The following CDH18 variants were observed in gnomAD, a reference collection of about 807,000 sequenced individuals.
The protein encoded by CDH18 is cadherin 18, also known as cadherin-18.
CDH18 carries 31 observed loss-of-function variants against 67.9 expected under a neutral mutation model. The ratio of observed to expected loss-of-function variants is 0.46; its 90% CI spans 0.34 to 0.62. The LOEUF (loss-of-function observed/expected upper bound fraction) is 0.62, where lower values mean the gene tolerates loss of function less well. CDH18 is among the 20% of genes least tolerant of loss of function. The pLI, the probability that CDH18 is intolerant of heterozygous loss-of-function variation, is 0.01. For synonymous variants in CDH18, 362 were observed against 347.2 expected (o/e 1.04, Z -0.48); for missense variants, 890 against 975.5 (o/e 0.91, Z 1.17).
chr5:20,064,996 T>C (rs574927381), intron 2 of CDH18, among the ~76,000 whole-genome samples: 7 of 152,062 alleles, frequency 4.6e-5, no homozygotes, highest in South Asian at 4.1e-4. Flanking sequence ...TTGGTCTTTG[T>C]GATTAATTTT....
chr5:19,745,748 T>C (rs888804000), intron 4 of CDH18, among the ~76,000 whole-genome samples: 19 of 152,128 alleles, frequency 1.2e-4, no homozygotes, highest in Admixed American at 1.2e-3. Context: ...GTTTGGCAAC[T>C]GCTTTCTCCT....
At chr5:20,250,759 C>T (rs1743798107) in intron 2 of CDH18, among the ~76,000 whole-genome samples, 1 of 151,856 alleles carries the variant, frequency 6.6e-6, no homozygotes, top group African/African-American at 2.4e-5. Flanking sequence ...GCGCATGCCA[C>T]CACACCCAGA....
At chr5:20,485,033 T>C (rs1753077549) in intron 1 of CDH18, among the ~76,000 whole-genome samples, 1 of 152,128 alleles carries the variant, frequency 6.6e-6, no homozygotes, top group African/African-American at 2.4e-5. Flanking sequence ...TATGTTTGAA[T>C]GTTGTCAATG....
At chr5:20,365,858 T>C (rs1423779723) in intron 1 of CDH18, among the ~76,000 whole-genome samples, 1 of 152,146 alleles carries the variant, frequency 6.6e-6, no homozygotes, top group Admixed American at 6.6e-5. Flanking sequence ...TATTTACAAG[T>C]GAGTTTCTTT....
intron 1 of CDH18, among the ~76,000 whole-genome samples, chr5:20,535,334 C>T (rs1014665762): frequency 2.0e-5 from 3 of 152,142 alleles, no homozygotes; most frequent in South Asian, 2.1e-4. Context: ...CAGATCAGAT[C>T]GAGACCCTTT....
chr5:19,659,654 G>T (rs926818693), intron 5 of CDH18, among the ~76,000 whole-genome samples: 1 of 152,068 alleles, frequency 6.6e-6, no homozygotes, highest in African/African-American at 2.4e-5. Flanking sequence ...GCACCCTTAT[G>T]AGCGGGATTA....
intron 1 of CDH18, among the ~76,000 whole-genome samples, chr5:20,321,505 G>A (rs946085624): frequency 6.6e-5 from 10 of 151,902 alleles, no homozygotes; most frequent in Admixed American, 1.3e-4. Flanking sequence ...CCTCCTTCAT[G>A]GAAATGTCAT....
At chr5:19,502,294 A>T (rs1237608677) in intron 11 of CDH18, among the ~76,000 whole-genome samples, 1 of 152,148 alleles carries the variant, frequency 6.6e-6, no homozygotes, top group Non-Finnish European at 1.5e-5. Context: ...GAAAAAGTTG[A>T]TCCTAATCAG....
chr5:19,698,685 T>A (rs1545367), intron 5 of CDH18, among the ~76,000 whole-genome samples: 85,351 of 151,720 alleles, frequency 0.56, 27,173 homozygotes, highest in East Asian at 0.74. Flanking sequence ...TGTATGTGAA[T>A]TAAAAATAAA....
intron 2 of CDH18, among the ~76,000 whole-genome samples, chr5:20,198,407 T>A (rs1739161938): frequency 6.6e-6 from 1 of 152,164 alleles, no homozygotes; most frequent in Non-Finnish European, 1.5e-5. Context: ...GAAAGGTCAC[T>A]CTTACTACAC....
intron 5 of CDH18, among the ~76,000 whole-genome samples, chr5:19,667,225 T>G: frequency 6.6e-6 from 1 of 151,714 alleles, no homozygotes; most frequent in Non-Finnish European, 1.5e-5. Context: ...TATCTTTATG[T>G]TGACTCAATA....
At chr5:20,343,023 T>A (rs922682361) in intron 1 of CDH18, among the ~76,000 whole-genome samples, 1 of 152,180 alleles carries the variant, frequency 6.6e-6, no homozygotes, top group East Asian at 1.9e-4. Flanking sequence ...ATTGCTTTTC[T>A]CTGTATGTCA....
chr5:20,435,660 G>A (rs1372049830), intron 1 of CDH18, among the ~76,000 whole-genome samples: 1 of 151,982 alleles, frequency 6.6e-6, no homozygotes, highest in Non-Finnish European at 1.5e-5. Flanking sequence ...GCTTCCTGAT[G>A]CAAGATCATG....
chr5:19,804,271 C>T (rs1264146337), intron 3 of CDH18, among the ~76,000 whole-genome samples: 3 of 150,730 alleles, frequency 2.0e-5, no homozygotes. Context: ...CACTGCACTC[C>T]AGCCTGGGGG....
At chr5:20,055,862 G>A (rs1741850252) in intron 2 of CDH18, among the ~76,000 whole-genome samples, 1 of 152,014 alleles carries the variant, frequency 6.6e-6, no homozygotes, top group Non-Finnish European at 1.5e-5. Context: ...GCATGTATAA[G>A]CATCTGGTTC....
At chr5:20,523,477 AAAAC>A (rs1231950567) in intron 1 of CDH18, among the ~76,000 whole-genome samples, 1 of 152,176 alleles carries the variant, frequency 6.6e-6, no homozygotes, top group Non-Finnish European at 1.5e-5. Context: ...ATGTAATCTT[AAAAC>A]TCATTTATAG....
chr5:19,783,819 C>T (rs528595580), intron 3 of CDH18, among the ~76,000 whole-genome samples: 2 of 152,228 alleles, frequency 1.3e-5, no homozygotes, highest in East Asian at 3.9e-4. Flanking sequence ...AAAACATTTA[C>T]TATAGGAACA....
At chr5:19,746,051 A>G (rs1211979256) in intron 4 of CDH18, among the ~76,000 whole-genome samples, 2 of 152,158 alleles carry the variant, frequency 1.3e-5, no homozygotes, top group East Asian at 3.8e-4. Context: ...TTAAATCTTT[A>G]CTCAATAAAT....
chr5:20,495,306 G>A (rs542890384), intron 1 of CDH18, among the ~76,000 whole-genome samples: 2 of 151,960 alleles, frequency 1.3e-5, no homozygotes, highest in Non-Finnish European at 2.9e-5. Flanking sequence ...CTGTATAAAT[G>A]TTAAGGCCCT....
Sources: allele counts gnomAD v4.1 joint callset (sites outside exome capture counted in the v4.1 genomes callset), GRCh38; gene constraint gnomAD v4.1.1; transcripts MANE v1.5; gene names NCBI Gene and HGNC (gene_info 2026-07-23, HGNC 2026-07-21).